The following IQSEC3 variants were observed in gnomAD, a reference collection of about 807,000 sequenced individuals.
IQSEC3 encodes IQ motif and SEC7 domain-containing protein 3.
A neutral mutation model predicts 105.4 loss-of-function variants in IQSEC3; 50 were observed. That is an observed-to-expected ratio of 0.47 (90% CI 0.38 to 0.60). IQSEC3 has a LOEUF of 0.60. Ranked by LOEUF, IQSEC3 falls within the 20% of genes least tolerant of loss-of-function variation. IQSEC3 has a pLI of 0.00. For synonymous variants in IQSEC3, 708 were observed against 746.0 expected (o/e 0.95, Z 0.83); for missense variants, 1,415 against 1,630.0 (o/e 0.87, Z 2.27).
chr12:141,894 C>T (rs546344017), intron 5 of IQSEC3: 1 of 152,458 alleles, frequency 6.6e-6, no homozygotes, highest in African/African-American at 2.4e-5. Context: ...GCTGCCTTTG[C>T]CCCCGCTCAG....
intron 9 of IQSEC3, among the ~76,000 whole-genome samples, chr12:164,431 T>G (rs1243507979): frequency 1.3e-5 from 2 of 151,544 alleles, no homozygotes; most frequent in African/African-American, 2.4e-5. Context: ...CTCCCCGCCC[T>G]CTCCTCAGCC....
At position 176,395 on chromosome 12, in the gene IQSEC3, C is replaced by A. The variant is rs969505011; in HGVS notation, c.*1362C>A. On this transcript the variant is annotated 3_prime_UTR_variant, in exon 14 of 14. Transcript: ENST00000538872. The surrounding 1 kb of genome is among the most constrained non-coding windows in gnomAD (Gnocchi z 4.0). Reference sequence around the variant, plus strand: ...CCTATCAGGATGTGTCTGTCCCAAGCCTGGCCAGGCTCCAGTCCTGTGCCA... The same window carrying A: ...CCTATCAGGATGTGTCTGTCCCAAGACTGGCCAGGCTCCAGTCCTGTGCCA... The A allele has an allele frequency of 6.6e-6, 1 of 152,346 alleles. No homozygotes were observed. Among genetic ancestry groups the A allele is most frequent in the Non-Finnish European group, 1.5e-5 (1 of 68,112 alleles). The allele number at this position is 152,346 out of a possible 1,614,324, so 9.4% of individuals were successfully genotyped here.
rs1555087953 is a variant in IQSEC3, at chr12:138,990, G to A, written c.1627G>A (p.Val543Met). 6.5e-7 allele frequency: 1 copy of A among 1,534,278 alleles called. No homozygotes were observed. The highest frequency in any genetic ancestry group is 8.8e-7 in the Non-Finnish European group (1 of 1,140,456). ...SGREAPEAPA[V>M]GREDASAEDS... ...GCGGGAGGCCCCGGAAGCCCCCGCCGTGGGCCGGGAGGACGCGTCAGCCGA... is the reference window on the plus strand; with the variant it reads ...GCGGGAGGCCCCGGAAGCCCCCGCCATGGGCCGGGAGGACGCGTCAGCCGA... Residue 543 changes from valine (V) to methionine (M), a missense_variant, in exon 4 of 14, where the codon GTG (valine) becomes ATG (methionine). By Grantham distance (21) the Val-to-Met change is conservative. Transcript: ENST00000538872. The surrounding 1 kb of genome is among the most constrained non-coding windows in gnomAD (Gnocchi z 7.1).
intron 8 of IQSEC3, 33 bp from the exon 9 acceptor site, chr12:163,461 G>A: frequency 1.3e-6 from 2 of 1,574,908 alleles, no homozygotes; most frequent in African/African-American, 1.4e-5. Context: ...CAGGCCTCTG[G>A]TCTCTCCCGC....
At position 162,039 on chromosome 12, in the gene IQSEC3, G is replaced by A; in HGVS notation, c.2557G>A (p.Glu853Lys). 6.2e-7 allele frequency: 1 copy of A among 1,613,814 alleles called. No individual in the cohort carries two copies. Among genetic ancestry groups the A allele is most frequent in the Non-Finnish European group, 8.5e-7 (1 of 1,179,988 alleles). The change falls in exon 8 of 14, where the codon GAG becomes AAG. Residue 853 changes from glutamate to lysine, a missense_variant. Coordinates refer to ENST00000538872, the MANE Select transcript of IQSEC3 (RefSeq NM_001170738.2). Reference sequence around the variant, plus strand: ...CCACGTCACGTACGTCACCAAGGTGGAGAAGTCCATTGTGGGCATGAAGAC... The same window carrying A: ...CCACGTCACGTACGTCACCAAGGTGAAGAAGTCCATTGTGGGCATGAAGAC... ...EDHVTYVTKV[E>K]KSIVGMKTVL...
At chr12:73,066 AT>A (rs1555067968) in intron 1 of IQSEC3, among the ~76,000 whole-genome samples, 1 of 27,152 alleles carries the variant, frequency 3.7e-5, no homozygotes, top group Admixed American at 5.6e-4. Flanking sequence ...AAATAAATAA[AT>A]AAATAAATAA....
At chr12:95,484 A>C (rs1224513396) in intron 1 of IQSEC3, among the ~76,000 whole-genome samples, 1 of 152,174 alleles carries the variant, frequency 6.6e-6, no homozygotes, top group African/African-American at 2.4e-5. Context: ...GTTTTAATGG[A>C]TTTACGGTAA....
In IQSEC3 at chr12:162,775, G is replaced by A. The variant is rs751518140; in HGVS notation, c.2583+710G>A. ...CGACTGGTTTGTCTTACACGCTGGA[G>A]TAGATGCCAGGTGTCTCTGTGATCC... On this transcript the variant is annotated intron_variant, in intron 8 of 13. Transcript: ENST00000538872. Among the ~76,000 whole-genome samples, 18 of 152,286 alleles carry A rather than the reference G, an allele frequency of 1.2e-4. 1 individual carries two copies. The highest frequency in any genetic ancestry group is 2.6e-4 in the Non-Finnish European group (18 of 68,014).
intron 2 of IQSEC3, among the ~76,000 whole-genome samples, chr12:118,627 C>T (rs1485299521): frequency 2.0e-5 from 3 of 150,872 alleles, no homozygotes; most frequent in African/African-American, 7.3e-5. Flanking sequence ...CTGTGCTAGC[C>T]ATTGCCGAGA....
intron 7 of IQSEC3, 48 bp from the exon 8 acceptor site, chr12:161,878 C>A: frequency 2.0e-6 from 3 of 1,476,432 alleles, no homozygotes; most frequent in Non-Finnish European, 2.8e-6. Flanking sequence ...GGCTCTGACA[C>A]CCTCCCTCCC....
In IQSEC3 at chr12:138,236, C is replaced by T; in HGVS notation, c.904-31C>T. The T allele has an allele frequency of 6.4e-7, 1 of 1,569,884 alleles. No homozygotes were observed. The highest frequency in any genetic ancestry group is 8.7e-7 in the Non-Finnish European group (1 of 1,150,502). On this transcript the variant is annotated intron_variant, in intron 3 of 13. Transcript: ENST00000538872. This position sits in a 1 kb window ranked among gnomAD's most constrained non-coding sequence, Gnocchi z 7.1. ...GGGCTGACCACCCTTCCCCTCTGAG[C>T]CCTTCCTCCTCTCTGTCCTCGTCCT...
Position 141,300 on chromosome 12 carries a change from C to T in IQSEC3, c.2153+15C>T, listed in dbSNP as rs938849166. On this transcript the variant is annotated intron_variant, in intron 5 of 13. Transcript: ENST00000538872. ...GACGTGCTGGAGTGAGTACCCCACACTCCGGGCTTTCCCCACTCCTTCCCA... is the reference window on the plus strand; with the variant it reads ...GACGTGCTGGAGTGAGTACCCCACATTCCGGGCTTTCCCCACTCCTTCCCA... 6.9e-6 allele frequency: 11 copies of T among 1,604,384 alleles called. No homozygotes were observed. The African/African-American group carries it at 1.3e-4, about 20-fold the overall frequency.
intron 1 of IQSEC3, among the ~76,000 whole-genome samples, chr12:83,342 T>A (rs1295581188): frequency 6.6e-6 from 1 of 151,926 alleles, no homozygotes; most frequent in Non-Finnish European, 1.5e-5. Flanking sequence ...GAGCTCCCAT[T>A]CCAGAGGAGA....
rs781909069 is a variant in IQSEC3, at chr12:125,716, C to T, written c.707C>T (p.Ala236Val). Residue 236 changes from alanine (A) to valine (V), a missense_variant, in exon 3 of 14, where the codon GCC (alanine) becomes GTC (valine). By Grantham distance (64) the Ala-to-Val change is moderately conservative. This residue lies in a region of IQSEC3 where 720 missense variants were observed against 633.0 expected (regional missense o/e 1.14). Coordinates refer to ENST00000538872, the MANE Select transcript of IQSEC3 (RefSeq NM_001170738.2). ...AAAVAAGRPS[A>V]HAPKAQAQEL... ...GCGGTGGCAGCCGGCAGACCCAGTG[C>T]CCATGCCCCGAAGGCTCAAGCCCAG... 3.4e-5 allele frequency: 52 copies of T among 1,534,202 alleles called. No individual in the cohort carries two copies. The highest frequency in any genetic ancestry group is 2.0e-5 in the Admixed American group (1 of 50,378).
chr12:163,610 C>A lies in IQSEC3; in HGVS notation c.2700C>A (p.Asp900Glu). 1 of 1,510,436 alleles carries A rather than the reference C, an allele frequency of 6.6e-7. No homozygotes were observed. The highest frequency in any genetic ancestry group is 9.2e-7 in the Non-Finnish European group (1 of 1,086,632). The allele number at this position is 1,510,436 out of a possible 1,614,324, so 93.6% of individuals were successfully genotyped here. A position where few individuals can be genotyped will look rare whatever the true frequency, so the allele number is the denominator to read the frequency against. The change falls in exon 9 of 14, where the codon GAC becomes GAA. Residue 900 changes from aspartate to glutamate, a missense_variant. Coordinates refer to ENST00000538872, the MANE Select transcript of IQSEC3 (RefSeq NM_001170738.2). ...AGAGGGAGGTGTTCCTCTTCAATGA[C>A]CTGCTGGTGGTGAGTGGCCTCCGCT... is the stretch of plus-strand genomic sequence containing the variant. ...AHQREVFLFN[D>E]LLVILKLCPK...
chr12:158,174 G>GTT (rs78756163), intron 7 of IQSEC3, among the ~76,000 whole-genome samples: 2 of 142,768 alleles, frequency 1.4e-5, no homozygotes, highest in Non-Finnish European at 3.1e-5. Flanking sequence ...GTGCGCAATT[G>GTT]TTTTTTTTTT....
At chr12:174,395 C>A (rs1255228942) in intron 13 of IQSEC3, among the ~76,000 whole-genome samples, 2 of 152,140 alleles carry the variant, frequency 1.3e-5, no homozygotes, top group Non-Finnish European at 2.9e-5. Context: ...AGTGGCAGAA[C>A]ATGCCAGCCT....
At chr12:90,284 A>T (rs1864041380) in intron 1 of IQSEC3, among the ~76,000 whole-genome samples, 1 of 152,190 alleles carries the variant, frequency 6.6e-6, no homozygotes, top group South Asian at 2.1e-4. Flanking sequence ...TTTATTATTG[A>T]GTTGTAGCAG....
intron 5 of IQSEC3, chr12:148,892 A>G (rs1421987168): frequency 6.6e-6 from 1 of 151,060 alleles, no homozygotes; most frequent in East Asian, 1.9e-4. Flanking sequence ...ACCATTACCT[A>G]TTTTCAGCTC....
Sources: allele counts gnomAD v4.1 joint callset (sites outside exome capture counted in the v4.1 genomes callset), GRCh38; gene constraint gnomAD v4.1.1; regional missense constraint gnomAD v4.1.1; non-coding constraint Gnocchi (gnomAD v3.1); transcripts MANE v1.5; gene names NCBI Gene and HGNC (gene_info 2026-07-23, HGNC 2026-07-21).